The following TNFRSF25 variants were observed in gnomAD, a reference collection of about 807,000 sequenced individuals.
TNFRSF25 encodes TNF receptor superfamily member 25.
TNFRSF25 carries 28 observed loss-of-function variants against 49.4 expected under a neutral mutation model. The ratio of observed to expected loss-of-function variants is 0.57; its 90% confidence interval spans 0.42 to 0.78. The LOEUF is 0.78. Ranked by LOEUF, TNFRSF25 falls within the 30% of genes least tolerant of loss-of-function variation. The pLI, the probability that TNFRSF25 is intolerant of heterozygous loss-of-function variation, is 0.00. For synonymous variants in TNFRSF25, 240 were observed against 234.2 expected, an observed-to-expected ratio of 1.02 and a Z score of -0.23; for missense variants, 531 against 581.6, an observed-to-expected ratio of 0.91 and a Z score of 0.90.
chr1:6,465,595 T>C, intron 1 of TNFRSF25, 35 bp from the exon 2 acceptor site: 1 of 1,601,868 alleles, frequency 6.2e-7, no homozygotes, highest in Non-Finnish European at 8.5e-7. Flanking sequence ...TCAGCGCAGC[T>C]GCCCACGTGG....
chr1:6,462,190 G>A lies in TNFRSF25; in HGVS notation c.745-16C>T. 1.3e-6 allele frequency: 2 copies of A among 1,594,082 alleles called. No homozygotes were observed. Among genetic ancestry groups the A allele is most frequent in the East Asian group, 2.2e-5 (1 of 44,624 alleles). On this transcript the variant is annotated splice_polypyrimidine_tract_variant and intron_variant, in intron 8 of 9. Coordinates refer to ENST00000356876, the MANE Select transcript of TNFRSF25 (RefSeq NM_003790.3). This position sits in a 1 kb window ranked among gnomAD's most constrained non-coding sequence, Gnocchi z 4.2. Reference sequence around the variant, plus strand: ...GATGGGTGGCCTGGAAGCCAAGAGGGGCCCCAGGTCAGCCCTGCTTGCCAA... The same window carrying A: ...GATGGGTGGCCTGGAAGCCAAGAGGAGCCCCAGGTCAGCCCTGCTTGCCAA...
chr1:6,464,348 C>T (rs569829897), intron 5 of TNFRSF25, 27 bp downstream of exon 5: 14 of 1,589,478 alleles, frequency 8.8e-6, no homozygotes, highest in Non-Finnish European at 1.2e-5. Flanking sequence ...CCGCCCTTCC[C>T]TCCATCCCAC....
At chr1:6,465,755 G>T in intron 1 of TNFRSF25, 195 bp from the exon 2 acceptor site, 2 of 1,427,134 alleles carry the variant, frequency 1.4e-6, no homozygotes, top group Non-Finnish European at 1.8e-6. Context: ...GCTTCGGAGG[G>T]GGCGCTTACC....
chr1:6,466,061 C>A lies in TNFRSF25; in HGVS notation c.39+8G>T. On this transcript the variant is annotated splice_region_variant and intron_variant, in intron 1 of 9. Coordinates refer to ENST00000356876, the MANE Select transcript of TNFRSF25 (RefSeq NM_003790.3). ...AAGCTGCCCCTAGCCTCCTGCGTCTCAACTCACCGCCGCCACCGCCGCGCA... is the reference window on the plus strand; with the variant it reads ...AAGCTGCCCCTAGCCTCCTGCGTCTAAACTCACCGCCGCCACCGCCGCGCA... 1 of 1,580,482 alleles carries A rather than the reference C, an allele frequency of 6.3e-7. No individual in the cohort carries two copies. Among genetic ancestry groups the A allele is most frequent in the East Asian group, 2.5e-5 (1 of 40,628 alleles).
Position 6,462,317 on chromosome 1 carries a change from A to G in TNFRSF25, c.745-143T>C. The G allele has an allele frequency of 8.2e-7, 1 of 1,222,144 alleles. No homozygotes were observed. Among genetic ancestry groups the G allele is most frequent in the Non-Finnish European group, 1.1e-6 (1 of 899,130 alleles). 75.7% of individuals were successfully genotyped at this position (1,222,144 alleles called of 1,614,324 possible). ...ACCTCCCACAGTTGGCCCTGCTCTC[A>G]CTGTAGCCCAGCAGAACTCTTGCTT... On this transcript the variant is annotated intron_variant, in intron 8 of 9. Coordinates refer to ENST00000356876, the MANE Select transcript of TNFRSF25 (RefSeq NM_003790.3). The surrounding 1 kb of genome is among the most constrained non-coding windows in gnomAD (Gnocchi z 4.2).
intron 3 of TNFRSF25, 94 bp from the exon 4 acceptor site, chr1:6,464,813 C>T: frequency 6.9e-7 from 1 of 1,451,802 alleles, no homozygotes; most frequent in Admixed American, 1.9e-5. Context: ...ATAATGGAGA[C>T]AGAAATAGGC....
In TNFRSF25 at chr1:6,462,631, G is replaced by A; in HGVS notation, c.742C>T (p.Pro248Ser). The A allele has an allele frequency of 6.2e-7, 1 of 1,613,442 alleles. No homozygotes were observed. The highest frequency in any genetic ancestry group is 8.5e-7 in the Non-Finnish European group (1 of 1,179,666). The change falls in exon 8 of 10, where the codon CCG becomes TCG. Residue 248 changes from proline to serine, a missense_variant and splice_region_variant. Physicochemically the swap from Pro to Ser is moderately conservative, Grantham distance 74. Coordinates refer to ENST00000356876, the MANE Select transcript of TNFRSF25 (RefSeq NM_003790.3). The surrounding 1 kb of genome is among the most constrained non-coding windows in gnomAD (Gnocchi z 4.2). ...GAATCACACAGTGAGGTTCTTACCGGTGGTGGGGTCAGAGCCTCCATCCCA... is the reference window on the plus strand; with the variant it reads ...GAATCACACAGTGAGGTTCTTACCGATGGTGGGGTCAGAGCCTCCATCCCA... The part of the protein sequence containing the change: ...EAGMEALTPP[P>S]ATHLSPLDSA...
intron 3 of TNFRSF25, 128 bp from the exon 4 acceptor site, chr1:6,464,847 AC>A: frequency 7.8e-7 from 1 of 1,273,984 alleles, no homozygotes; most frequent in Middle Eastern, 2.8e-4. Flanking sequence ...GTACAGGGCT[AC>A]CCTAAAAAAG....
chr1:6,465,765 C>T, intron 1 of TNFRSF25: 2 of 1,427,268 alleles, frequency 1.4e-6, no homozygotes, highest in African/African-American at 2.9e-5. Context: ...GGGCGCTTAC[C>T]AGCCCCTCAC....
At chr1:6,465,703 G>A (rs1644337704) in intron 1 of TNFRSF25, 143 bp from the exon 2 acceptor site, 2 of 1,444,678 alleles carry the variant, frequency 1.4e-6, no homozygotes, top group Non-Finnish European at 9.1e-7. Context: ...GTGCCCATGG[G>A]TGGAGAGGAA....
In TNFRSF25 at chr1:6,465,230, A is replaced by T. The variant is rs1443446797; in HGVS notation, c.161-8T>A. 1.9e-5 allele frequency: 30 copies of T among 1,605,600 alleles called. No homozygotes were observed. The highest frequency in any genetic ancestry group is 2.4e-5 in the Non-Finnish European group (28 of 1,176,610). On this transcript the variant is annotated splice_region_variant and splice_polypyrimidine_tract_variant and intron_variant, in intron 2 of 9. Coordinates refer to ENST00000356876, the MANE Select transcript of TNFRSF25 (RefSeq NM_003790.3). ...GGGCCTTCAGGTAGTGCCCTGTGGA[A>T]CCAGGCAGGGGTCAGGCAGGCAGAG...
chr1:6,463,453 G>A (rs186028995), intron 5 of TNFRSF25: 203 of 344,564 alleles, frequency 5.9e-4, no homozygotes, highest in African/African-American at 3.3e-3. Flanking sequence ...GAGGCCGGGC[G>A]CGGTGGCTCA....
chr1:6,461,478 C>T lies in TNFRSF25; in HGVS notation c.1210G>A (p.Gly404Ser), dbSNP rs781178638. 9.0e-6 allele frequency: 14 copies of T among 1,561,938 alleles called. No individual in the cohort carries two copies. Among genetic ancestry groups the T allele is most frequent in the Middle Eastern group, 1.7e-4 (1 of 5,950 alleles). The part of the protein sequence containing the change: ...YAALERMGLD[G>S]CVEDLRSRLQ... ...CGGCTGCGCAAGTCTTCCACGCAGC[C>T]GTCCAGCCCCATGCGCTCCAGGGCC... is the stretch of plus-strand genomic sequence containing the variant. The change falls in exon 10 of 10, where the codon GGC becomes AGC. Residue 404 changes from glycine (G) to serine (S), a missense_variant. Physicochemically the swap from Gly to Ser is moderately conservative, Grantham distance 56. Transcript: ENST00000356876. This position sits in a 1 kb window ranked among gnomAD's most constrained non-coding sequence, Gnocchi z 6.3.
rs144661623 is a variant in TNFRSF25, at chr1:6,464,936, G to A, written c.295+152C>T. 1,359 of 1,315,506 alleles carry A rather than the reference G, an allele frequency of 1.0e-3. 12 individuals carry two copies. In the African/African-American group the frequency reaches 0.018, roughly 18 times the overall value. The allele number at this position is 1,315,506 out of a possible 1,614,324, so 81.5% of individuals were successfully genotyped here. ...GGAAGGTCACCAGGAAGAGAGAAGG[G>A]GCAAGGGCACCCTGAAGGAGGATCA... On this transcript the variant is annotated intron_variant, in intron 3 of 9. Transcript: ENST00000356876.
chr1:6,462,899 A>G lies in TNFRSF25; in HGVS notation c.670T>C (p.Tyr224His). 6.2e-7 allele frequency: 1 copy of G among 1,608,012 alleles called. No homozygotes were observed. The highest frequency in any genetic ancestry group is 1.3e-5 in the African/African-American group (1 of 74,948). Residue 224 changes from tyrosine to histidine, a missense_variant, in exon 7 of 10, where the codon TAC becomes CAC. Tyr to His is a moderately conservative substitution (Grantham distance 83, BLOSUM62 2). Transcript: ENST00000356876. This position sits in a 1 kb window ranked among gnomAD's most constrained non-coding sequence, Gnocchi z 4.2. ...LLLGATLTYT[Y>H]RHCWPHKPLV... ...GGCTTGTGAGGCCAGCAGTGGCGGTATGTGTAGGTCAGGGTGGCCCCAAGC... is the reference window on the plus strand; with the variant it reads ...GGCTTGTGAGGCCAGCAGTGGCGGTGTGTGTAGGTCAGGGTGGCCCCAAGC...
At chr1:6,463,665 G>A (rs3138153) in intron 5 of TNFRSF25, 11,426 of 138,042 alleles carry the variant, frequency 0.083, 451 homozygotes, top group African/African-American at 0.11. Context: ...AGCAGAGGTT[G>A]TAGTGAGCCA....
At position 6,462,567 on chromosome 1, in the gene TNFRSF25, A is replaced by T; in HGVS notation, c.744+62T>A. ...GGCCGCGTGCCAAGCTCCAGGGATC[A>T]TAGTAAGGCTTGATCTTCCAGCTCC... On this transcript the variant is annotated intron_variant, in intron 8 of 9. Transcript: ENST00000356876. The surrounding 1 kb of genome is among the most constrained non-coding windows in gnomAD (Gnocchi z 4.2). 1.3e-6 allele frequency: 2 copies of T among 1,585,356 alleles called. No individual in the cohort carries two copies. The highest frequency in any genetic ancestry group is 1.7e-6 in the Non-Finnish European group (2 of 1,167,184).
Position 6,461,856 on chromosome 1 carries a change from C to T in TNFRSF25, c.926-94G>A. 1 of 1,451,882 alleles carries T rather than the reference C, an allele frequency of 6.9e-7. No individual in the cohort carries two copies. Among genetic ancestry groups the T allele is most frequent in the Non-Finnish European group, 9.1e-7 (1 of 1,104,074 alleles). 89.9% of individuals were successfully genotyped at this position (1,451,882 alleles called of 1,614,324 possible). On this transcript the variant is annotated intron_variant, in intron 9 of 9. Transcript: ENST00000356876. The surrounding 1 kb of genome is among the most constrained non-coding windows in gnomAD (Gnocchi z 6.3). ...TCGTGCGGGTACCCCAGGGCTGAAG[C>T]CCGCTGGATCCGGTGGGTCAGGGCA... is the stretch of plus-strand genomic sequence containing the variant.
intron 3 of TNFRSF25, 32 bp from the exon 4 acceptor site, chr1:6,464,751 G>A (rs1285181175): frequency 6.2e-7 from 1 of 1,605,826 alleles, no homozygotes; most frequent in African/African-American, 1.3e-5. Flanking sequence ...GGGGAGTGGA[G>A]AGTTAGTCAG....
Sources: gnomAD v4.1 joint callset for allele counts on GRCh38, gnomAD v4.1.1 for gene constraint, Gnocchi (gnomAD v3.1) non-coding constraint, MANE v1.5 for transcripts, NCBI Gene and HGNC (gene_info 2026-07-23, HGNC 2026-07-21) for gene names.